DLC1: variants seen among roughly 807,000 people sequenced by gnomAD.
DLC1 encodes the protein DLC1 Rho GTPase activating protein.
DLC1 carries 54 observed loss-of-function variants against 140.3 expected under a neutral mutation model. That is an observed-to-expected ratio of 0.38 (90% CI 0.31 to 0.48). DLC1 has a LOEUF of 0.48. Among genes scored for constraint, DLC1 ranks in the 20% least tolerant of loss-of-function variants. DLC1 has a pLI of 0.96. For missense variants in DLC1, 2,536 were observed against 1,907.0 expected, an observed-to-expected ratio of 1.33 and a Z score of -6.14; for synonymous variants, 986 against 728.1, an observed-to-expected ratio of 1.35 and a Z score of -5.70.
At chr8:13,468,811 C>CT (rs78775803) in intron 2 of DLC1, among the ~76,000 whole-genome samples, 17,434 of 88,442 alleles carry the variant, frequency 0.2, 4,851 homozygotes, top group East Asian at 0.24. Context: ...TTTATGTCTG[C>CT]TTTTTTTTTT....
chr8:13,431,439 C>G (rs547247801), intron 2 of DLC1, among the ~76,000 whole-genome samples: 100 of 128,666 alleles, frequency 7.8e-4, no homozygotes, highest in African/African-American at 2.3e-3. Flanking sequence ...GCCAAGATCA[C>G]GCCACTGCAC....
chr8:13,444,082 C>G (rs1033085222), intron 2 of DLC1, among the ~76,000 whole-genome samples: 5 of 150,594 alleles, frequency 3.3e-5, no homozygotes, highest in African/African-American at 9.8e-5. Flanking sequence ...ATCATAAGCT[C>G]AGAGGATAAG....
At chr8:13,277,661 T>G (rs1027138280) in intron 5 of DLC1, among the ~76,000 whole-genome samples, 1 of 152,338 alleles carries the variant, frequency 6.6e-6, no homozygotes, top group African/African-American at 2.4e-5. Context: ...ATTTGGCAGA[T>G]TTTTTGCCTT....
rs962578291 is a variant in DLC1, at chr8:13,226,232, G to A, written c.1348+79037C>T. 1.1e-3 allele frequency among the ~76,000 whole-genome samples: 162 copies of A among 152,138 alleles called. 2 individuals carry two copies. The highest frequency in any genetic ancestry group is 0.01 in the Admixed American group (160 of 15,280). ...CCCAGCCTGATTAATAAATTTGAAT[G>A]TAATACTCTTTGGTTAATATAATTT... On this transcript the variant is annotated intron_variant, in intron 5 of 17. Coordinates refer to ENST00000276297, the MANE Select transcript of DLC1 (RefSeq NM_182643.3).
chr8:13,087,971 C>T (rs980117607), intron 16 of DLC1, among the ~76,000 whole-genome samples: 1 of 152,222 alleles, frequency 6.6e-6, no homozygotes, highest in Non-Finnish European at 1.5e-5. Context: ...TCTTTCTGAG[C>T]TCAGTTACCA....
chr8:13,541,321 A>G (rs938294509), intron 1 of DLC1, among the ~76,000 whole-genome samples: 58 of 150,410 alleles, frequency 3.9e-4, no homozygotes, highest in African/African-American at 1.4e-3. Flanking sequence ...ATACCTAGAA[A>G]TGGAATTCCC....
intron 2 of DLC1, among the ~76,000 whole-genome samples, chr8:13,458,476 T>C (rs550289840): frequency 4.6e-5 from 7 of 152,318 alleles, no homozygotes; most frequent in African/African-American, 1.7e-4. Flanking sequence ...TGTTCTAACA[T>C]AGAGTGAGCT....
chr8:13,282,401 T>G (rs956923537), intron 5 of DLC1, among the ~76,000 whole-genome samples: 2 of 152,154 alleles, frequency 1.3e-5, no homozygotes, highest in African/African-American at 4.8e-5. Flanking sequence ...TTTTTCTATG[T>G]CATGATTTCA....
chr8:13,200,971 AT>A (rs1477642848), intron 5 of DLC1, among the ~76,000 whole-genome samples: 1 of 152,200 alleles, frequency 6.6e-6, no homozygotes, highest in East Asian at 1.9e-4. Context: ...CTCAACTATA[AT>A]TACAGAACAC....
chr8:13,358,531 G>T (rs1835055770), intron 4 of DLC1, among the ~76,000 whole-genome samples: 1 of 152,080 alleles, frequency 6.6e-6, no homozygotes, highest in East Asian at 1.9e-4. Context: ...CTAGTCTACA[G>T]TAGGGGAAGG....
chr8:13,383,090 G>GA (rs1836347137), intron 4 of DLC1, among the ~76,000 whole-genome samples: 1 of 152,158 alleles, frequency 6.6e-6, no homozygotes, highest in Non-Finnish European at 1.5e-5. Context: ...AACAAGATGA[G>GA]AAATCATCTC....
rs1246764417 is a variant in DLC1, at chr8:13,506,581, G to GTGTGTGTGTGTA, written c.-125-6386_-125-6385insTACACACACACA. On this transcript the variant is annotated intron_variant, in intron 1 of 17. Transcript: ENST00000276297. ...CACACACACACATGTGTGTGTGTGT[G>GTGTGTGTGTGTA]TATATATATATATATATATATATAT... 2.6e-4 allele frequency among the ~76,000 whole-genome samples: 34 copies of GTGTGTGTGTGTA among 131,142 alleles called. No homozygotes were observed. In the East Asian group the frequency reaches 3.6e-3, roughly 14 times the overall value. The allele number at this position is 131,142 out of a possible 152,430, so 86.0% of individuals were successfully genotyped here.
chr8:13,585,326 G>A (rs1439594564), intron 1 of DLC1, among the ~76,000 whole-genome samples: 1 of 152,082 alleles, frequency 6.6e-6, no homozygotes, highest in Non-Finnish European at 1.5e-5. Context: ...CACTTTGAGA[G>A]GCTGAGGCCA....
chr8:13,522,148 T>C (rs1010483773), intron 1 of DLC1, among the ~76,000 whole-genome samples: 1 of 152,172 alleles, frequency 6.6e-6, no homozygotes, highest in South Asian at 2.1e-4. Context: ...TTCCTGGTAC[T>C]GCGCAGTGGG....
chr8:13,224,426 C>G (rs989849939), intron 5 of DLC1, among the ~76,000 whole-genome samples: 1 of 152,108 alleles, frequency 6.6e-6, no homozygotes, highest in African/African-American at 2.4e-5. Flanking sequence ...GCTTGAGAAT[C>G]CAAGCAGTAT....
At chr8:13,430,838 T>A (rs1337152595) in intron 2 of DLC1, among the ~76,000 whole-genome samples, 1 of 152,206 alleles carries the variant, frequency 6.6e-6, no homozygotes, top group African/African-American at 2.4e-5. Flanking sequence ...GCTGCTAAAT[T>A]TCCAATAATA....
At chr8:13,098,070 G>A (rs1818663134) in intron 10 of DLC1, among the ~76,000 whole-genome samples, 1 of 148,442 alleles carries the variant, frequency 6.7e-6, no homozygotes, top group South Asian at 2.2e-4. Flanking sequence ...CTAGCCGGGT[G>A]TGGTGGAAAG....
chr8:13,359,805 G>A (rs1476725077), intron 4 of DLC1, among the ~76,000 whole-genome samples: 1 of 152,176 alleles, frequency 6.6e-6, no homozygotes, highest in Non-Finnish European at 1.5e-5. Flanking sequence ...GTGTCATAAA[G>A]TTAAGCGATG....
chr8:13,132,603 GC>G (rs1477539392), intron 5 of DLC1, among the ~76,000 whole-genome samples: 1 of 151,982 alleles, frequency 6.6e-6, no homozygotes, highest in Non-Finnish European at 1.5e-5. Flanking sequence ...CGCCCCTCGA[GC>G]CAGAGCCGCG....
Sources: allele counts gnomAD v4.1 joint callset (sites outside exome capture counted in the v4.1 genomes callset), GRCh38; gene constraint gnomAD v4.1.1; transcripts MANE v1.5; gene names NCBI Gene and HGNC (gene_info 2026-07-23, HGNC 2026-07-21).